Variants in ASIC2 observed in about 807,000 individuals in gnomAD.
The protein encoded by ASIC2 is acid sensing ion channel subunit 2, also known as acid-sensing ion channel 2.
In ASIC2, 25 loss-of-function variants were observed where a neutral mutation model predicts 57.3. That is an observed-to-expected ratio of 0.44 (90% confidence interval 0.32 to 0.61). The LOEUF (loss-of-function observed/expected upper bound fraction) is 0.61. ASIC2 is among the 20% of genes least tolerant of loss of function. ASIC2 has a pLI of 0.06. For synonymous variants in ASIC2, 319 were observed against 307.5 expected, an observed-to-expected ratio of 1.04 and a Z score of -0.39; for missense variants, 641 against 738.1, an observed-to-expected ratio of 0.87 and a Z score of 1.52.
chr17:33,679,532 C>T (rs1352046997), intron 1 of ASIC2, among the ~76,000 whole-genome samples: 1 of 152,190 alleles, frequency 6.6e-6, no homozygotes, highest in Non-Finnish European at 1.5e-5. Flanking sequence ...GAGTCACAGG[C>T]TTGCACTCAT....
chr17:33,366,922 A>G (rs1908831766), intron 1 of ASIC2, among the ~76,000 whole-genome samples: 1 of 152,206 alleles, frequency 6.6e-6, no homozygotes, highest in South Asian at 2.1e-4. Context: ...ATGAGCATAC[A>G]CTTTGTTAGG....
intron 1 of ASIC2, among the ~76,000 whole-genome samples, chr17:33,495,561 T>C (rs1467230609): frequency 6.6e-6 from 1 of 152,224 alleles, no homozygotes; most frequent in Non-Finnish European, 1.5e-5. Flanking sequence ...CTTGCGTGCC[T>C]GTTTCCTATT....
chr17:33,747,142 C>T (rs988839930), intron 1 of ASIC2, among the ~76,000 whole-genome samples: 9 of 150,808 alleles, frequency 6.0e-5, no homozygotes, highest in African/African-American at 9.8e-5. Context: ...GATTGTCTTA[C>T]AGGTATAAAG....
intron 1 of ASIC2, among the ~76,000 whole-genome samples, chr17:33,640,267 G>T (rs1906517675): frequency 6.6e-6 from 1 of 152,150 alleles, no homozygotes; most frequent in Admixed American, 6.5e-5. Context: ...GGGGGTGCAA[G>T]ATATCTAGAA....
intron 1 of ASIC2, among the ~76,000 whole-genome samples, chr17:33,584,880 A>G (rs1236784318): frequency 6.6e-6 from 1 of 152,124 alleles, no homozygotes; most frequent in Non-Finnish European, 1.5e-5. Flanking sequence ...CCGATGGCCT[A>G]AAGACAAAGA....
At chr17:33,149,841 T>A (rs1904716149) in intron 1 of ASIC2, among the ~76,000 whole-genome samples, 1 of 152,234 alleles carries the variant, frequency 6.6e-6, no homozygotes, top group Non-Finnish European at 1.5e-5. Flanking sequence ...CTTTTCTTCC[T>A]TTCTTATTTT....
intron 1 of ASIC2, among the ~76,000 whole-genome samples, chr17:33,464,540 C>CTTTCTTTCTTTCTTTCTTTCTT (rs59312185): frequency 3.2e-4 from 16 of 49,394 alleles, no homozygotes; most frequent in African/African-American, 1.0e-3. Context: ...TTCTTTCTTT[C>CTTTCTTTCTTTCTTTCTTTCTT]TCTTTCTTTC....
chr17:33,853,942 G>T (rs1477769466), intron 1 of ASIC2, among the ~76,000 whole-genome samples: 1 of 152,078 alleles, frequency 6.6e-6, no homozygotes, highest in African/African-American at 2.4e-5. Context: ...TCCCTTGCAG[G>T]TCTCTACTTT....
intron 1 of ASIC2, among the ~76,000 whole-genome samples, chr17:33,340,126 T>C (rs1424618577): frequency 2.6e-5 from 4 of 152,320 alleles, no homozygotes; most frequent in South Asian, 2.1e-4. Context: ...TGTGGAAATG[T>C]CAGCAGCGTT....
chr17:33,862,713 T>C (rs1914129005), intron 1 of ASIC2, among the ~76,000 whole-genome samples: 1 of 152,116 alleles, frequency 6.6e-6, no homozygotes, highest in Non-Finnish European at 1.5e-5. Context: ...GTTCCTTGAG[T>C]TTCCCTCCCC....
intron 1 of ASIC2, among the ~76,000 whole-genome samples, chr17:33,437,507 C>T (rs1277420399): frequency 6.6e-6 from 1 of 152,106 alleles, no homozygotes; most frequent in African/African-American, 2.4e-5. Flanking sequence ...TCAATAACAC[C>T]TCCAGGTTTA....
intron 1 of ASIC2, among the ~76,000 whole-genome samples, chr17:33,897,429 C>T (rs1222699337): frequency 2.6e-5 from 4 of 152,226 alleles, no homozygotes; most frequent in Admixed American, 2.0e-4. Flanking sequence ...TCTTAATCAT[C>T]TTTGTGCACC....
intron 1 of ASIC2, among the ~76,000 whole-genome samples, chr17:33,780,730 G>A (rs1911424015): frequency 6.6e-6 from 1 of 152,186 alleles, no homozygotes; most frequent in Non-Finnish European, 1.5e-5. Flanking sequence ...GTCAGCTCAG[G>A]TTCTGCTCCC....
intron 1 of ASIC2, among the ~76,000 whole-genome samples, chr17:33,765,543 G>C (rs765005171): frequency 6.6e-6 from 1 of 152,196 alleles, no homozygotes; most frequent in Non-Finnish European, 1.5e-5. Flanking sequence ...TTCAGGAAAT[G>C]AAAAGTTCTT....
At chr17:33,404,010 C>G (rs2141960386) in intron 1 of ASIC2, among the ~76,000 whole-genome samples, 1 of 152,304 alleles carries the variant, frequency 6.6e-6, no homozygotes, top group African/African-American at 2.4e-5. Flanking sequence ...GTGAAGTCAC[C>G]TGCTACATGA....
chr17:33,395,977 A>G (rs1485432758), intron 1 of ASIC2, among the ~76,000 whole-genome samples: 1 of 152,222 alleles, frequency 6.6e-6, no homozygotes, highest in East Asian at 1.9e-4. Context: ...AGATGTTTAT[A>G]ACAAAGGCCA....
At chr17:33,773,156 A>T (rs1911166909) in intron 1 of ASIC2, among the ~76,000 whole-genome samples, 1 of 152,206 alleles carries the variant, frequency 6.6e-6, no homozygotes, top group Admixed American at 6.5e-5. Flanking sequence ...TGTGTCTAGT[A>T]AGTTTAAACT....
intron 1 of ASIC2, among the ~76,000 whole-genome samples, chr17:33,566,472 A>C (rs1916237360): frequency 6.6e-6 from 1 of 152,170 alleles, no homozygotes; most frequent in Non-Finnish European, 1.5e-5. Flanking sequence ...TTAATAGAAA[A>C]GATGAGTAGG....
chr17:34,000,159 A>G, intron 1 of ASIC2, among the ~76,000 whole-genome samples: 1 of 151,040 alleles, frequency 6.6e-6, no homozygotes, highest in Non-Finnish European at 1.5e-5. Flanking sequence ...GTTCCCTTGC[A>G]TGTGACAAGT....
Sources: gnomAD v4.1 joint callset for allele counts (sites outside exome capture counted in the v4.1 genomes callset) on GRCh38, gnomAD v4.1.1 for gene constraint, MANE v1.5 for transcripts, NCBI Gene and HGNC (gene_info 2026-07-23, HGNC 2026-07-21) for gene names.